GRID2: variants seen among roughly 807,000 people sequenced by gnomAD.
GRID2 encodes the protein glutamate receptor ionotropic, delta-2.
Under a neutral mutation model 114.8 loss-of-function variants are expected in GRID2, and 33 were observed. That is an observed-to-expected ratio of 0.29 (90% CI 0.22 to 0.38). The LOEUF (loss-of-function observed/expected upper bound fraction) is 0.38. Among genes scored for constraint, GRID2 ranks in the 10% least tolerant of loss-of-function variants. The pLI, the probability that GRID2 is intolerant of heterozygous loss-of-function variation, is 1.00. For synonymous variants in GRID2, 505 were observed against 449.9 expected, an observed-to-expected ratio of 1.12 and a Z score of -1.55; for missense variants, 1,184 against 1,257.7, an observed-to-expected ratio of 0.94 and a Z score of 0.89.
At chr4:93,470,731 A>G (rs984303772) in intron 11 of GRID2, among the ~76,000 whole-genome samples, 4 of 152,156 alleles carry the variant, frequency 2.6e-5, no homozygotes, top group African/African-American at 9.6e-5. Context: ...AAAATTAAAA[A>G]CAAATATTGT....
chr4:92,691,875 G>C (rs1389946682), intron 2 of GRID2, among the ~76,000 whole-genome samples: 1 of 151,650 alleles, frequency 6.6e-6, no homozygotes, highest in Non-Finnish European at 1.5e-5. Context: ...ATTATATTTT[G>C]AGGCAAATAG....
At chr4:92,925,357 A>G (rs1190643194) in intron 2 of GRID2, among the ~76,000 whole-genome samples, 1 of 152,054 alleles carries the variant, frequency 6.6e-6, no homozygotes. Flanking sequence ...ACATTATAAG[A>G]GATCTCTGGA....
At chr4:92,964,202 C>G (rs1483708106) in intron 2 of GRID2, among the ~76,000 whole-genome samples, 1 of 151,992 alleles carries the variant, frequency 6.6e-6, no homozygotes, top group Non-Finnish European at 1.5e-5. Context: ...GCTGCATTAG[C>G]CCCTAACAAG....
At chr4:92,500,454 T>G (rs1273227962) in intron 1 of GRID2, among the ~76,000 whole-genome samples, 2 of 152,172 alleles carry the variant, frequency 1.3e-5, no homozygotes, top group Non-Finnish European at 2.9e-5. Flanking sequence ...TCTGTTTAGG[T>G]GGACTTAAGT....
intron 1 of GRID2, among the ~76,000 whole-genome samples, chr4:92,452,286 G>A (rs565719040): frequency 2.0e-5 from 3 of 151,486 alleles, no homozygotes; most frequent in African/African-American, 7.3e-5. Context: ...TCATGCTTTG[G>A]TTAGCAAATT....
chr4:93,656,459 A>G (rs1045861810), intron 14 of GRID2, among the ~76,000 whole-genome samples: 18 of 152,078 alleles, frequency 1.2e-4, no homozygotes, highest in Admixed American at 1.2e-3. Flanking sequence ...GTCAGCTTAG[A>G]TCTACTACAG....
intron 2 of GRID2, among the ~76,000 whole-genome samples, chr4:92,846,879 G>T (rs1404971206): frequency 6.6e-6 from 1 of 152,028 alleles, no homozygotes; most frequent in East Asian, 1.9e-4. Context: ...ATTTACAAAG[G>T]AGGAAACTCA....
chr4:93,045,025 A>G lies in GRID2; in HGVS notation c.245-39970A>G, dbSNP rs1725993004. On this transcript the variant is annotated intron_variant, in intron 2 of 15. Transcript: ENST00000282020. The stretch of plus-strand genomic sequence containing the variant: ...TAGTTATCAAGAAACTGTTTCTTGC[A>G]TCTAGCTCCCTGTGTTATATTTTTG... Among the ~76,000 whole-genome samples the G allele has an allele frequency of 2.0e-5, 3 of 152,156 alleles. No homozygotes were observed. The South Asian group carries it at 6.2e-4, about 32-fold the overall frequency.
At chr4:92,434,295 A>G (rs887826531) in intron 1 of GRID2, among the ~76,000 whole-genome samples, 1 of 152,184 alleles carries the variant, frequency 6.6e-6, no homozygotes, top group South Asian at 2.1e-4. Flanking sequence ...CAATTTTATA[A>G]GTTTGTAGAG....
intron 2 of GRID2, among the ~76,000 whole-genome samples, chr4:92,879,852 T>A (rs1745881367): frequency 6.6e-6 from 1 of 152,258 alleles, no homozygotes; most frequent in Admixed American, 6.5e-5. Flanking sequence ...GAAAGTCAAG[T>A]ATGCAACTGT....
intron 14 of GRID2, among the ~76,000 whole-genome samples, chr4:93,677,928 G>A (rs904931766): frequency 5.0e-5 from 7 of 140,934 alleles, no homozygotes; most frequent in Non-Finnish European, 9.1e-5. Context: ...AAAGCTGGAT[G>A]GAGAATGACT....
intron 2 of GRID2, among the ~76,000 whole-genome samples, chr4:92,636,839 C>T (rs956646656): frequency 2.6e-5 from 4 of 151,888 alleles, no homozygotes; most frequent in Non-Finnish European, 4.4e-5. Flanking sequence ...CTTTTCACTT[C>T]TTTTGCAATC....
intron 2 of GRID2, among the ~76,000 whole-genome samples, chr4:93,008,705 A>G (rs569991802): frequency 3.9e-5 from 6 of 152,168 alleles, no homozygotes; most frequent in African/African-American, 1.2e-4. Context: ...TGTGGTATAT[A>G]TCAATTTTTG....
At chr4:92,922,124 G>T (rs552956449) in intron 2 of GRID2, among the ~76,000 whole-genome samples, 2 of 152,270 alleles carry the variant, frequency 1.3e-5, no homozygotes, top group Middle Eastern at 3.4e-3. Context: ...GTGAGGCTCC[G>T]TGGGTGTAGG....
At chr4:93,314,260 G>A (rs559985718) in intron 8 of GRID2, among the ~76,000 whole-genome samples, 3 of 127,110 alleles carry the variant, frequency 2.4e-5, no homozygotes, top group East Asian at 2.6e-4. Context: ...AGCCAAGATC[G>A]TACACCGCAT....
At chr4:93,074,569 A>G (rs1471910027) in intron 2 of GRID2, among the ~76,000 whole-genome samples, 4 of 152,182 alleles carry the variant, frequency 2.6e-5, no homozygotes, top group Non-Finnish European at 5.9e-5. Flanking sequence ...AAAATTGACA[A>G]TCACAGCTTC....
At chr4:93,776,888 C>A (rs1414812544), downstream of GRID2, among the ~76,000 whole-genome samples, 1 of 152,160 alleles carries the variant, frequency 6.6e-6, no homozygotes, top group Admixed American at 6.5e-5. Flanking sequence ...ATAATGTAGA[C>A]CATAACAACT....
intron 4 of GRID2, among the ~76,000 whole-genome samples, chr4:93,189,773 C>CACA (rs1268745559): frequency 2.3e-4 from 32 of 138,974 alleles, no homozygotes; most frequent in African/African-American, 7.8e-4. Context: ...CCACACCACA[C>CACA]CACACACACA....
intron 2 of GRID2, among the ~76,000 whole-genome samples, chr4:92,774,507 A>G (rs1438366545): frequency 2.0e-5 from 3 of 151,774 alleles, no homozygotes; most frequent in Admixed American, 2.0e-4. Flanking sequence ...AAATTATCCC[A>G]TACATTTAGA....
Sources: gnomAD v4.1 joint callset for allele counts (sites outside exome capture counted in the v4.1 genomes callset) on GRCh38, gnomAD v4.1.1 for gene constraint, MANE v1.5 for transcripts, NCBI Gene and HGNC (gene_info 2026-07-23, HGNC 2026-07-21) for gene names.